CPHXL2: variants seen among roughly 807,000 people sequenced by gnomAD.
The protein encoded by CPHXL2 is cytoplasmic polyadenylated homeobox-like protein 2.
chr16:75,662,104 A>T, the CPHXL2 span, among the ~76,000 whole-genome samples: 1 of 151,786 alleles, frequency 6.6e-6, no homozygotes, highest in Non-Finnish European at 1.5e-5. Flanking sequence ...GGCTCCTGTG[A>T]CCTCCTTTTT....
At chr16:75,663,745 G>T in the CPHXL2 span, among the ~76,000 whole-genome samples, 276 of 152,060 alleles carry the variant, frequency 1.8e-3, no homozygotes, top group African/African-American at 6.2e-3. Flanking sequence ...AATTAGCCGG[G>T]CATGGTGGCG....
the CPHXL2 span, chr16:75,660,509 A>G: frequency 1.3e-5 from 5 of 398,472 alleles, no homozygotes; most frequent in African/African-American, 8.2e-5. Flanking sequence ...GCTTCTCTAG[A>G]TCCCAAGGAC....
At chr16:75,674,276 G>A in the CPHXL2 span, among the ~76,000 whole-genome samples, 2 of 149,768 alleles carry the variant, frequency 1.3e-5, no homozygotes, top group South Asian at 4.2e-4. Flanking sequence ...GGGAGGCTGA[G>A]GCAGGACAAT....
chr16:75,661,733 T>A, the CPHXL2 span, among the ~76,000 whole-genome samples: 2 of 152,178 alleles, frequency 1.3e-5, no homozygotes, highest in African/African-American at 4.8e-5. Context: ...ACATAATTCT[T>A]ACATACATTG....
chr16:75,660,302 G>A, the CPHXL2 span: 10 of 398,512 alleles, frequency 2.5e-5, no homozygotes, highest in East Asian at 7.1e-5. Context: ...TGGCAGGCCC[G>A]TGTAGACCCC....
chr16:75,664,966 G>A, the CPHXL2 span, among the ~76,000 whole-genome samples: 1 of 152,110 alleles, frequency 6.6e-6, no homozygotes, highest in South Asian at 2.1e-4. Context: ...AGAAATAAAT[G>A]TTTTCTTTAT....
the CPHXL2 span, among the ~76,000 whole-genome samples, chr16:75,664,159 A>G: frequency 2.6e-5 from 4 of 152,192 alleles, no homozygotes; most frequent in African/African-American, 9.7e-5. Flanking sequence ...TACATCTTAC[A>G]TGTATCGACT....
chr16:75,663,378 C>T, the CPHXL2 span, among the ~76,000 whole-genome samples: 101 of 152,218 alleles, frequency 6.6e-4, 2 homozygotes, highest in Admixed American at 6.2e-3. Flanking sequence ...TTTAAATGTC[C>T]GCACCAAAAC....
At chr16:75,669,221 T>A in the CPHXL2 span, 2 of 390,202 alleles carry the variant, frequency 5.1e-6, no homozygotes, top group Admixed American at 4.5e-5. Flanking sequence ...AGCGCTGAGG[T>A]TGGGGAGTCA....
At chr16:75,674,008 G>C in the CPHXL2 span, among the ~76,000 whole-genome samples, 8 of 145,948 alleles carry the variant, frequency 5.5e-5, no homozygotes, top group Non-Finnish European at 9.0e-5. Flanking sequence ...AAAAAAAAAA[G>C]ATAAAAGAAA....
the CPHXL2 span, among the ~76,000 whole-genome samples, chr16:75,663,758 C>T: frequency 6.6e-6 from 1 of 151,824 alleles, no homozygotes; most frequent in East Asian, 1.9e-4. Context: ...TGGTGGCGGG[C>T]ACCTGTAGTC....
At chr16:75,676,355 A>T in the CPHXL2 span, among the ~76,000 whole-genome samples, 3 of 152,064 alleles carry the variant, frequency 2.0e-5, no homozygotes, top group East Asian at 5.8e-4. Flanking sequence ...ACAAGGCCTC[A>T]CTCTGTCACC....
At chr16:75,665,544 C>T in the CPHXL2 span, among the ~76,000 whole-genome samples, 20 of 152,260 alleles carry the variant, frequency 1.3e-4, no homozygotes, top group African/African-American at 4.3e-4. Context: ...AAGCATAAAT[C>T]TCACAGGACC....
the CPHXL2 span, chr16:75,661,042 C>T: frequency 7.5e-6 from 3 of 400,606 alleles, no homozygotes; most frequent in African/African-American, 2.1e-5. Flanking sequence ...CTCTGTTTCT[C>T]CAGAAGGGAG....
At chr16:75,673,883 G>T in the CPHXL2 span, among the ~76,000 whole-genome samples, 2 of 151,718 alleles carry the variant, frequency 1.3e-5, no homozygotes, top group African/African-American at 4.8e-5. Flanking sequence ...GGGAGGCTGA[G>T]GTTGGAGGAT....
At chr16:75,673,008 G>A in the CPHXL2 span, among the ~76,000 whole-genome samples, 7 of 148,984 alleles carry the variant, frequency 4.7e-5, no homozygotes, top group East Asian at 6.0e-4. Context: ...CCAGGAAGCT[G>A]AGGCTGCAGT....
the CPHXL2 span, among the ~76,000 whole-genome samples, chr16:75,662,644 T>G: frequency 6.6e-6 from 1 of 152,152 alleles, no homozygotes; most frequent in East Asian, 1.9e-4. Flanking sequence ...TAACCCTAGT[T>G]ATTTCATTCA....
chr16:75,667,570 T>C, the CPHXL2 span, among the ~76,000 whole-genome samples: 1 of 152,214 alleles, frequency 6.6e-6, no homozygotes, highest in Non-Finnish European at 1.5e-5. Context: ...TTTTCTCAAC[T>C]GATTCTATGA....
At chr16:75,663,903 AAG>A in the CPHXL2 span, among the ~76,000 whole-genome samples, 1 of 150,962 alleles carries the variant, frequency 6.6e-6, no homozygotes, top group Non-Finnish European at 1.5e-5. Context: ...AAAAAAAAAA[AAG>A]AAACATAAAA....
Sources: allele counts gnomAD v4.1 joint callset (sites outside exome capture counted in the v4.1 genomes callset), GRCh38; gene constraint gnomAD v4.1.1; transcripts MANE v1.5; gene names NCBI Gene and HGNC (gene_info 2026-07-23, HGNC 2026-07-21).